CCDC30: variants seen among roughly 807,000 people sequenced by gnomAD.
CCDC30 encodes the protein coiled-coil domain-containing protein 30.
A neutral mutation model predicts 100.2 loss-of-function variants in CCDC30; 70 were observed. The observed-to-expected ratio is 0.70, with a 90% CI of 0.58 to 0.85. The LOEUF is 0.85. CCDC30 is among the 40% of genes least tolerant of loss of function. CCDC30 has a pLI of 0.00. For synonymous variants in CCDC30, 233 were observed against 269.5 expected (o/e 0.86, Z 1.33); for missense variants, 652 against 771.2 (o/e 0.85, Z 1.83).
intron 6 of CCDC30, among the ~76,000 whole-genome samples, chr1:42,513,283 T>A (rs1315095254): frequency 1.3e-5 from 2 of 152,322 alleles, no homozygotes; most frequent in East Asian, 3.9e-4. Flanking sequence ...TGCAGCAGAC[T>A]GCAGCAGATT....
rs1646287728 is a variant in CCDC30, at chr1:42,596,379, T to G, written c.1164+6896T>G. ...GGGAGAAAAGGGGAACATTTGAAAC[T>G]TCCTAACAGGGTCTGCCGGCAGGAG... is the stretch of plus-strand genomic sequence containing the variant. On this transcript the variant is annotated intron_variant, in intron 10 of 16. Coordinates refer to ENST00000668663, the Ensembl canonical transcript of CCDC30. The surrounding 1 kb of genome is among the most constrained non-coding windows in gnomAD (Gnocchi z 4.3). Among the ~76,000 whole-genome samples the G allele has an allele frequency of 6.6e-6, 1 of 152,138 alleles. No homozygotes were observed. Among genetic ancestry groups the G allele is most frequent in the South Asian group, 2.1e-4 (1 of 4,830 alleles).
chr1:42,461,694 C>T (rs1643417183), upstream of CCDC30, among the ~76,000 whole-genome samples: 1 of 151,988 alleles, frequency 6.6e-6, no homozygotes, highest in Non-Finnish European at 1.5e-5. Context: ...CTACAGGCGC[C>T]CGCCACCACG....
At chr1:42,616,535 C>T (rs1646730546) in intron 11 of CCDC30, among the ~76,000 whole-genome samples, 1 of 152,176 alleles carries the variant, frequency 6.6e-6, no homozygotes, top group African/African-American at 2.4e-5. Context: ...TTATTTTTTA[C>T]GTTTTCTCTA....
intron 6 of CCDC30, among the ~76,000 whole-genome samples, chr1:42,542,349 C>G (rs938144197): frequency 1.3e-5 from 2 of 152,000 alleles, no homozygotes; most frequent in Admixed American, 1.3e-4. Context: ...GCTATAACGT[C>G]AAATCTAAAC....
At chr1:42,610,597 T>C (rs564667205) in intron 10 of CCDC30, among the ~76,000 whole-genome samples, 42 of 152,246 alleles carry the variant, frequency 2.8e-4, no homozygotes, top group Admixed American at 1.8e-3. Flanking sequence ...CAAATTTTTA[T>C]ATTTTTTTGT....
intron 11 of CCDC30, among the ~76,000 whole-genome samples, chr1:42,615,944 C>A (rs1352522265): frequency 2.0e-5 from 3 of 151,312 alleles, no homozygotes; most frequent in African/African-American, 7.3e-5. Flanking sequence ...TAGATGGAGT[C>A]TCGCTCTGTC....
chr1:42,633,542 T>A (rs2148672371), intron 11 of CCDC30, among the ~76,000 whole-genome samples: 1 of 152,250 alleles, frequency 6.6e-6, no homozygotes, highest in South Asian at 2.1e-4. Context: ...TTCCAAGGAC[T>A]TAAGAGGTTT....
intron 6 of CCDC30, 149 bp from the exon 11 acceptor site, chr1:42,566,147 A>G (rs1357818973): frequency 1.0e-5 from 6 of 598,486 alleles, no homozygotes; most frequent in Non-Finnish European, 1.8e-5. Flanking sequence ...TAAATGTAAA[A>G]GAGTAGTTTG....
intron 6 of CCDC30, chr1:42,500,266 T>C (rs1644289322): frequency 1.2e-6 from 2 of 1,610,732 alleles, no homozygotes; most frequent in Non-Finnish European, 1.7e-6. Context: ...TGGATTTTTC[T>C]CTTGCGTCTC....
chr1:42,618,382 A>G (rs540881559), intron 11 of CCDC30, among the ~76,000 whole-genome samples: 6 of 152,096 alleles, frequency 3.9e-5, no homozygotes, highest in African/African-American at 1.4e-4. Context: ...GATTACAGGC[A>G]TGTGCCACCA....
chr1:42,500,198 C>T lies in CCDC30; in HGVS notation c.456+1282C>T, dbSNP rs918067490. 2.9e-5 allele frequency: 44 copies of T among 1,533,200 alleles called. No individual in the cohort carries two copies. In the Admixed American group the frequency reaches 4.8e-4, roughly 17 times the overall value. The allele number at this position is 1,533,200 out of a possible 1,614,324, so 95.0% of individuals were successfully genotyped here. ...ACGTACAGTGCATATTGGCGGTGCA[C>T]GCCTCATTATGATTCGCCTGCTTGC... On this transcript the variant is annotated intron_variant, in intron 6 of 16. Coordinates refer to ENST00000668663, the Ensembl canonical transcript of CCDC30.
chr1:42,578,224 A>G (rs186076205), intron 8 of CCDC30, among the ~76,000 whole-genome samples: 287 of 152,358 alleles, frequency 1.9e-3, no homozygotes, highest in Non-Finnish European at 3.4e-3. Flanking sequence ...AGCAATCTGA[A>G]TTAAACTAAA....
chr1:42,482,544 G>T, intron 2 of CCDC30, 119 bp from the exon 3 acceptor site: 1 of 536,554 alleles, frequency 1.9e-6, no homozygotes, highest in Non-Finnish European at 2.8e-6. Flanking sequence ...CACACACAAA[G>T]AAATACACAT....
intron 11 of CCDC30, among the ~76,000 whole-genome samples, chr1:42,621,704 G>A (rs1646837482): frequency 1.3e-5 from 2 of 151,900 alleles, no homozygotes; most frequent in Non-Finnish European, 2.9e-5. Context: ...ATAGAGACAG[G>A]GTTTCACTGT....
rs141212171 is a variant in CCDC30 at position 42,614,569 on chromosome 1, G to A, written c.1277+3479G>A. Among the ~76,000 whole-genome samples the A allele has an allele frequency of 3.3e-3, 493 of 151,442 alleles. 2 individuals carry two copies. Among genetic ancestry groups the A allele is most frequent in the African/African-American group, 0.011 (465 of 41,370 alleles). ...TGGGAGGCTGAGGCGGGCAAATTACGTGAGCTCAGGAGTTCAAGACCAGGC... is the reference window on the plus strand; with the variant it reads ...TGGGAGGCTGAGGCGGGCAAATTACATGAGCTCAGGAGTTCAAGACCAGGC... On this transcript the variant is annotated intron_variant, in intron 11 of 16. Transcript: ENST00000668663.
chr1:42,558,174 A>G (rs1161105755), intron 6 of CCDC30: 4 of 263,622 alleles, frequency 1.5e-5, no homozygotes, highest in Non-Finnish European at 3.2e-5. Context: ...GAGAAGAACT[A>G]CTGTTCTGGT....
intron 9 of CCDC30, among the ~76,000 whole-genome samples, chr1:42,581,752 C>G (rs2148593183): frequency 6.6e-6 from 1 of 152,250 alleles, no homozygotes; most frequent in South Asian, 2.1e-4. Flanking sequence ...ATTATTTCTT[C>G]TGGTTCTGGG....
intron 6 of CCDC30, among the ~76,000 whole-genome samples, chr1:42,514,056 A>G (rs1260291897): frequency 6.6e-6 from 1 of 152,170 alleles, no homozygotes; most frequent in African/African-American, 2.4e-5. Context: ...CCCACCTCCA[A>G]CATTGGAGAT....
At chr1:42,456,847 C>T in the CCDC30 span, 1 of 1,613,586 alleles carries the variant, frequency 6.2e-7, no homozygotes, top group Non-Finnish European at 8.5e-7. Flanking sequence ...CCTATGCCCA[C>T]CGCTTCCCAC....
Sources: allele counts gnomAD v4.1 joint callset (sites outside exome capture counted in the v4.1 genomes callset), GRCh38; gene constraint gnomAD v4.1.1; non-coding constraint Gnocchi (gnomAD v3.1); transcripts MANE v1.5; gene names NCBI Gene and HGNC (gene_info 2026-07-23, HGNC 2026-07-21).